The following SNAPC4 variants were observed in gnomAD, a reference collection of about 807,000 sequenced individuals.
The protein encoded by SNAPC4 is small nuclear RNA activating complex polypeptide 4.
In SNAPC4, 127 loss-of-function variants were observed where a neutral mutation model predicts 151.3. The observed-to-expected ratio is 0.84, with a 90% CI of 0.73 to 0.97. The LOEUF (loss-of-function observed/expected upper bound fraction) is 0.97, where lower values mean the gene tolerates loss of function less well. Among genes scored for constraint, SNAPC4 ranks in the 50% least tolerant of loss-of-function variants. The pLI is 0.00. For missense variants in SNAPC4, 2,186 were observed against 1,935.0 expected (o/e 1.13, Z -2.43); for synonymous variants, 1,002 against 824.4 (o/e 1.22, Z -3.69).
intron 10 of SNAPC4, among the ~76,000 whole-genome samples, chr9:136,389,254 G>A (rs1002466021): frequency 2.0e-5 from 3 of 152,216 alleles, no homozygotes; most frequent in African/African-American, 7.2e-5. Context: ...CCTGTTCTCT[G>A]AAAGTGAGCT....
chr9:136,392,821 G>C (rs756887372), intron 7 of SNAPC4, 44 bp from the exon 8 acceptor site: 1 of 1,520,696 alleles, frequency 6.6e-7, no homozygotes, highest in South Asian at 1.1e-5. Context: ...CACGAGGGCT[G>C]CGGGGCGGGG....
intron 7 of SNAPC4, 73 bp downstream of exon 7, chr9:136,394,176 A>C: frequency 2.4e-6 from 3 of 1,255,530 alleles, no homozygotes; most frequent in Non-Finnish European, 3.5e-6. Flanking sequence ...TGGCCTCCCA[A>C]AGTGCTGGGA....
In SNAPC4 at chr9:136,383,034, G is replaced by A. The variant is rs1193344447; in HGVS notation, c.1983+152C>T. Reference sequence around the variant, plus strand: ...TGGAGGCTTCCCCAACAGTCCCCCCGACGCACAGCTGTCCAGAGCTCAGCC... The same window carrying A: ...TGGAGGCTTCCCCAACAGTCCCCCCAACGCACAGCTGTCCAGAGCTCAGCC... On this transcript the variant is annotated intron_variant, in intron 16 of 23. Transcript: ENST00000684778. This position sits in a 1 kb window ranked among gnomAD's most constrained non-coding sequence, Gnocchi z 4.2. 16 of 1,271,886 alleles carry A rather than the reference G, an allele frequency of 1.3e-5. No individual in the cohort carries two copies. The highest frequency in any genetic ancestry group is 7.4e-5 in the South Asian group (4 of 54,130). 78.8% of individuals were successfully genotyped at this position (1,271,886 alleles called of 1,614,324 possible).
At chr9:136,395,482 GGAGGAGACCCGGGGCA>G in intron 4 of SNAPC4, 59 bp from the exon 5 acceptor site, 1 of 1,589,226 alleles carries the variant, frequency 6.3e-7, no homozygotes, top group East Asian at 2.2e-5. Flanking sequence ...CTCTCCCTGC[GGAGGAGACCCGGGGCA>G]GAGGAGAGGC....
chr9:136,376,560 G>C lies in SNAPC4; in HGVS notation c.4285-79C>G, dbSNP rs1013857030. 6 of 1,543,974 alleles carry C rather than the reference G, an allele frequency of 3.9e-6. No homozygotes were observed. In the African/African-American group the frequency reaches 8.2e-5, roughly 21 times the overall value. On this transcript the variant is annotated intron_variant, in intron 22 of 23. Transcript: ENST00000684778. ...GACGGGGAAGGGACGGGAGTGAGGA[G>C]GGGCCCTGTGGGTGAGTGTCCCACT...
rs1198121392 is a variant in SNAPC4 at position 136,375,595 on chromosome 9, A to G, written c.*213T>C. 1 of 152,278 alleles carries G rather than the reference A, an allele frequency of 6.6e-6. No homozygotes were observed. Among genetic ancestry groups the G allele is most frequent in the East Asian group, 1.9e-4 (1 of 5,204 alleles). 9.4% of individuals were successfully genotyped at this position (152,278 alleles called of 1,614,324 possible). A position where few individuals can be genotyped will look rare whatever the true frequency, so the allele number is the denominator to read the frequency against. On this transcript the variant is annotated 3_prime_UTR_variant, in exon 24 of 24. Transcript: ENST00000684778. ...GTCCAGCTCCACAATTAAAAACAGA[A>G]CTTTATTCCTCCAAGTGTTCAGGTG...
chr9:136,391,931 C>T lies in SNAPC4; in HGVS notation c.975+11G>A. 1 of 1,599,778 alleles carries T rather than the reference C, an allele frequency of 6.3e-7. No homozygotes were observed. The highest frequency in any genetic ancestry group is 8.5e-7 in the Non-Finnish European group (1 of 1,179,564). On this transcript the variant is annotated intron_variant, in intron 10 of 23. Coordinates refer to ENST00000684778, the MANE Select transcript of SNAPC4 (RefSeq NM_003086.4). Reference sequence around the variant, plus strand: ...GTCTCCTGGCCCCTGGGGTCCAGGCCAGGCCCTTACCCCCAGCTCCTCTGC... The same window carrying T: ...GTCTCCTGGCCCCTGGGGTCCAGGCTAGGCCCTTACCCCCAGCTCCTCTGC...
At chr9:136,395,910 T>A in intron 3 of SNAPC4, 140 bp from the exon 4 acceptor site, 1 of 840,936 alleles carries the variant, frequency 1.2e-6, no homozygotes, top group Non-Finnish European at 1.9e-6. Flanking sequence ...AAGCAGGAAG[T>A]GACCCTGGTG....
chr9:136,380,750 T>G lies in SNAPC4; in HGVS notation c.2489A>C (p.His830Pro). The G allele has an allele frequency of 6.3e-7, 1 of 1,588,830 alleles. No homozygotes were observed. The highest frequency in any genetic ancestry group is 8.6e-7 in the Non-Finnish European group (1 of 1,158,204). ...CCAAGTGCCTGCTACCTGCAGAAGA[T>G]GAACTGGTGGGTCCCGAGCACCAGC... ...PQAGARDPPVHLLQASSSAQS... is the reference protein window; with the variant it reads ...PQAGARDPPVPLLQASSSAQS... The change falls in exon 20 of 24, where the codon CAT becomes CCT. Residue 830 changes from histidine (H) to proline (P), a missense_variant. Physicochemically the swap from His to Pro is moderately conservative, Grantham distance 77. Transcript: ENST00000684778.
chr9:136,393,036 G>A (rs562566858), intron 7 of SNAPC4, among the ~76,000 whole-genome samples: 1 of 152,310 alleles, frequency 6.6e-6, no homozygotes, highest in South Asian at 2.1e-4. Context: ...CCTCGCCACA[G>A]CCCTCCGGAG....
rs188324909 is a variant in SNAPC4, at chr9:136,382,385, A to G, written c.1984-49T>C. Reference sequence around the variant, plus strand: ...GAGGCACGCGGGGTGTACGGGACACATGGGGGCCCTCCCCTCGCTGCCCAC... The same window carrying G: ...GAGGCACGCGGGGTGTACGGGACACGTGGGGGCCCTCCCCTCGCTGCCCAC... On this transcript the variant is annotated intron_variant, in intron 16 of 23. Transcript: ENST00000684778. 14 of 1,510,000 alleles carry G rather than the reference A, an allele frequency of 9.3e-6. No homozygotes were observed. The East Asian group carries it at 2.5e-4, about 27-fold the overall frequency. 93.5% of individuals were successfully genotyped at this position (1,510,000 alleles called of 1,614,324 possible).
At chr9:136,377,477 G>C (rs558677610) in intron 22 of SNAPC4, 66 bp downstream of exon 22, 3 of 1,486,146 alleles carry the variant, frequency 2.0e-6, no homozygotes, top group Non-Finnish European at 2.7e-6. Context: ...CACTGCTCCA[G>C]GCAGGCGAGG....
Position 136,382,013 on chromosome 9 carries a change from T to C in SNAPC4, c.2128A>G (p.Ser710Gly), listed in dbSNP as rs1376294636. The C allele has an allele frequency of 1.2e-6, 2 of 1,608,964 alleles. No individual in the cohort carries two copies. The highest frequency in any genetic ancestry group is 1.1e-5 in the South Asian group (1 of 90,556). ...TSSPGVSSGD[S>G]VARSHVQWLR... Reference sequence around the variant, plus strand: ...CACTGCACATGGGATCGGGCCACGCTGTCACCAGAGCTGACCCCTGGGGAT... The same window carrying C: ...CACTGCACATGGGATCGGGCCACGCCGTCACCAGAGCTGACCCCTGGGGAT... Residue 710 changes from serine (S) to glycine (G), a missense_variant, in exon 18 of 24, where the codon AGC becomes GGC. Physicochemically the swap from Ser to Gly is moderately conservative, Grantham distance 56 (BLOSUM62 0). Coordinates refer to ENST00000684778, the MANE Select transcript of SNAPC4 (RefSeq NM_003086.4).
rs116849854 is a variant in SNAPC4 at position 136,396,948 on chromosome 9, T to G, written c.177+29A>C. The G allele has an allele frequency of 5.8e-3, 9,304 of 1,606,796 alleles. 709 individuals carry two copies. In the East Asian group the frequency reaches 0.17, roughly 30 times the overall value. On this transcript the variant is annotated intron_variant, in intron 3 of 23. Coordinates refer to ENST00000684778, the MANE Select transcript of SNAPC4 (RefSeq NM_003086.4). ...GAAGGTGGTGGCAGGCCTGACCCAG[T>G]GGCACAGCCAGATCAGGCCAACAGT...
chr9:136,379,749 G>T, intron 21 of SNAPC4, 88 bp downstream of exon 21: 2 of 1,232,246 alleles, frequency 1.6e-6, no homozygotes, highest in Non-Finnish European at 2.4e-6. Context: ...CTTGGGGGCT[G>T]TGGGTGAAAG....
intron 22 of SNAPC4, among the ~76,000 whole-genome samples, chr9:136,377,063 C>T (rs933404480): frequency 6.6e-6 from 1 of 152,214 alleles, no homozygotes; most frequent in South Asian, 2.1e-4. Context: ...ATGGTTTCAC[C>T]TACAGAGATT....
Position 136,381,812 on chromosome 9 carries a change from C to T in SNAPC4, c.2317+12G>A, listed in dbSNP as rs1282651687. On this transcript the variant is annotated intron_variant, in intron 18 of 23. Transcript: ENST00000684778. ...GCCCCCAGGATGCTCCCAGAGGAGC[C>T]CCAGGCCATACCTTGAGTCTGCACT... 1 of 1,608,848 alleles carries T rather than the reference C, an allele frequency of 6.2e-7. No homozygotes were observed. Among genetic ancestry groups the T allele is most frequent in the Admixed American group, 1.7e-5 (1 of 59,904 alleles).
chr9:136,399,213 C>T (rs1428894132), intron 1 of SNAPC4, among the ~76,000 whole-genome samples: 1 of 152,354 alleles, frequency 6.6e-6, no homozygotes, highest in East Asian at 1.9e-4. Context: ...AAACGCCCTC[C>T]CCCGTCCTTG....
At position 136,394,234 on chromosome 9, in the gene SNAPC4, T is replaced by C. The variant is rs749959268; in HGVS notation, c.632+15A>G. 2.6e-5 allele frequency: 42 copies of C among 1,599,076 alleles called. No individual in the cohort carries two copies. The highest frequency in any genetic ancestry group is 1.9e-4 in the African/African-American group (14 of 73,704). The stretch of plus-strand genomic sequence containing the variant: ...CAGCCTGAAGACCGTTTTTGACTTA[T>C]GGTTTTAGACTTACTTCAGTAACTT... On this transcript the variant is annotated intron_variant, in intron 7 of 23. Transcript: ENST00000684778.
Sources: allele counts gnomAD v4.1 joint callset (sites outside exome capture counted in the v4.1 genomes callset), GRCh38; gene constraint gnomAD v4.1.1; non-coding constraint Gnocchi (gnomAD v3.1); transcripts MANE v1.5; gene names NCBI Gene and HGNC (gene_info 2026-07-23, HGNC 2026-07-21).